The following MTUS1 variants were observed in gnomAD, a reference collection of about 807,000 sequenced individuals.
MTUS1 encodes the protein microtubule-associated tumor suppressor 1.
MTUS1 carries 109 observed loss-of-function variants against 120.8 expected under a neutral mutation model. That is an observed-to-expected ratio of 0.90 (90% confidence interval 0.77 to 1.06). The LOEUF is 1.06. Ranked by LOEUF, MTUS1 falls within the 50% of genes least tolerant of loss-of-function variation. The probability of loss-of-function intolerance (pLI) is 0.00; values close to 1 mark genes in which losing one functional copy is unlikely to be tolerated. For synonymous variants in MTUS1, 737 were observed against 550.5 expected, an observed-to-expected ratio of 1.34 and a Z score of -4.74; for missense variants, 2,210 against 1,486.3, an observed-to-expected ratio of 1.49 and a Z score of -8.01.
chr8:17,754,384 C>T lies in MTUS1; in HGVS notation c.1424G>A (p.Cys475Tyr), dbSNP rs777285945. 6.2e-7 allele frequency: 1 copy of T among 1,614,156 alleles called. No individual in the cohort carries two copies. The highest frequency in any genetic ancestry group is 8.5e-7 in the Non-Finnish European group (1 of 1,180,014). The part of the protein sequence containing the change: ...PDSKEAPVNL[C>Y]KPSLGKSTIK... ...TGTTGATTTTCCTAAACTGGGTTTA[C>T]ACAGGTTCACAGGTGCCTCCTTCGA... Residue 475 changes from cysteine (C) to tyrosine (Y), a missense_variant, in exon 2 of 15, where the codon TGT (cysteine) becomes TAT (tyrosine). Cys to Tyr is a radical substitution (Grantham distance 194). Transcript: ENST00000693296.
intron 7 of MTUS1, among the ~76,000 whole-genome samples, chr8:17,677,715 C>G (rs1299022634): frequency 2.6e-5 from 4 of 152,182 alleles, no homozygotes; most frequent in Non-Finnish European, 5.9e-5. Flanking sequence ...CAACCTCTGT[C>G]AGGCACAGTA....
chr8:17,665,902 G>A (rs75354632), intron 8 of MTUS1, among the ~76,000 whole-genome samples: 2 of 151,976 alleles, frequency 1.3e-5, no homozygotes, highest in South Asian at 2.1e-4. Context: ...ACTCACAGGT[G>A]GGAAGACAAT....
intron 8 of MTUS1, chr8:17,674,651 G>C: frequency 3.0e-6 from 3 of 986,846 alleles, no homozygotes; most frequent in Non-Finnish European, 3.6e-6. Context: ...TGAGACGTGG[G>C]GCTCCCTGTG....
At chr8:17,764,629 C>T (rs1438419539) in intron 1 of MTUS1, among the ~76,000 whole-genome samples, 4 of 152,222 alleles carry the variant, frequency 2.6e-5, no homozygotes, top group African/African-American at 9.6e-5. Context: ...ATATCTTAGG[C>T]TTTACAGGAT....
intron 6 of MTUS1, among the ~76,000 whole-genome samples, chr8:17,694,249 C>T (rs1051192782): frequency 2.6e-5 from 4 of 152,148 alleles, no homozygotes; most frequent in Admixed American, 2.6e-4. Context: ...TTCAATGCTT[C>T]AACATGATAA....
In MTUS1 at chr8:17,645,900, G is replaced by T. The variant is rs764895729; in HGVS notation, c.*26C>A. On this transcript the variant is annotated 3_prime_UTR_variant, in exon 15 of 15. Coordinates refer to ENST00000693296, the MANE Select transcript of MTUS1 (RefSeq NM_001363059.2). ...GCAGACCTGCATCAAAATGCTTTCA[G>T]AGAGTCTGTGGACTTTGGGGAGGTG... 1.2e-6 allele frequency: 2 copies of T among 1,600,074 alleles called. No homozygotes were observed.
intron 1 of MTUS1, among the ~76,000 whole-genome samples, chr8:17,786,242 G>T (rs10099724): frequency 0.73 from 110,769 of 151,902 alleles, 41,971 homozygotes; most frequent in Non-Finnish European, 0.85. Flanking sequence ...ACACGCACGA[G>T]CCTAGGACAG....
intron 3 of MTUS1, among the ~76,000 whole-genome samples, chr8:17,736,281 C>G (rs112640768): frequency 6.6e-6 from 1 of 152,214 alleles, no homozygotes; most frequent in South Asian, 2.1e-4. Context: ...ACATGTGCCT[C>G]GCAGGCACCT....
chr8:17,719,819 G>A (rs1202997460), intron 4 of MTUS1, among the ~76,000 whole-genome samples: 2 of 152,026 alleles, frequency 1.3e-5, no homozygotes, highest in Admixed American at 6.6e-5. Flanking sequence ...AAAACTAAGG[G>A]TAAATAAGAT....
In MTUS1 at chr8:17,744,564, G is replaced by C. The variant is rs186431666; in HGVS notation, c.2092-765C>G. Among the ~76,000 whole-genome samples, 15 of 151,936 alleles carry C rather than the reference G, an allele frequency of 9.9e-5. No individual in the cohort carries two copies. In the East Asian group the frequency reaches 2.9e-3, roughly 29 times the overall value. The stretch of plus-strand genomic sequence containing the variant: ...GCCTCCTGAGTAGCTGGGATTACGG[G>C]TGCACACCACCATCAATCTTTTTAC... On this transcript the variant is annotated intron_variant, in intron 2 of 14. Coordinates refer to ENST00000693296, the MANE Select transcript of MTUS1 (RefSeq NM_001363059.2).
chr8:17,667,138 G>T (rs1178899301), intron 8 of MTUS1, among the ~76,000 whole-genome samples: 2 of 152,222 alleles, frequency 1.3e-5, no homozygotes, highest in Non-Finnish European at 2.9e-5. Flanking sequence ...ATCTGCAGGT[G>T]AAAGAACATG....
chr8:17,704,977 G>A (rs535500010), intron 6 of MTUS1, among the ~76,000 whole-genome samples: 7 of 152,014 alleles, frequency 4.6e-5, no homozygotes, highest in African/African-American at 1.7e-4. Context: ...TGTTTCTAAT[G>A]ATTTTTATTC....
chr8:17,715,087 G>A lies in MTUS1; in HGVS notation c.2584+680C>T, dbSNP rs182581185. Among the ~76,000 whole-genome samples the A allele has an allele frequency of 6.2e-4, 94 of 151,610 alleles. 1 individual carries two copies. Among genetic ancestry groups the A allele is most frequent in the African/African-American group, 1.9e-3 (80 of 41,326 alleles). ...TGCCCAGCTAATTTTTGTATTTTTA[G>A]TAGAGATGGGGTTTTGCCATGTCGG... On this transcript the variant is annotated intron_variant, in intron 5 of 14. Transcript: ENST00000693296.
At chr8:17,742,523 G>A (rs2904738) in intron 3 of MTUS1, among the ~76,000 whole-genome samples, 24,489 of 151,636 alleles carry the variant, frequency 0.16, 2,062 homozygotes, top group Middle Eastern at 0.22. Context: ...TTTTCTCCCA[G>A]ATGATGAACA....
At chr8:17,646,446 C>T (rs561182766) in intron 14 of MTUS1, among the ~76,000 whole-genome samples, 5 of 151,990 alleles carry the variant, frequency 3.3e-5, no homozygotes, top group South Asian at 2.1e-4. Flanking sequence ...AAATTAGTCA[C>T]GCATGGTGAC....
In MTUS1 at chr8:17,716,009, G is replaced by A. The variant is rs115992278; in HGVS notation, c.2450-108C>T. The A allele has an allele frequency of 6.2e-4, 591 of 953,714 alleles. 3 individuals are homozygous for A. The highest frequency in any genetic ancestry group is 4.0e-3 in the Middle Eastern group (12 of 3,020). 59.1% of individuals were successfully genotyped at this position (953,714 alleles called of 1,614,324 possible). On this transcript the variant is annotated intron_variant, in intron 4 of 14. Coordinates refer to ENST00000693296, the MANE Select transcript of MTUS1 (RefSeq NM_001363059.2). ...CAACAAATGCTCAATAAGCACCTACGACATGCCAGTCATTACTGAACATTG... is the reference window on the plus strand; with the variant it reads ...CAACAAATGCTCAATAAGCACCTACAACATGCCAGTCATTACTGAACATTG...
In MTUS1 at chr8:17,654,681, C is replaced by G. The variant is rs767863780; in HGVS notation, c.3109-15G>C. On this transcript the variant is annotated splice_polypyrimidine_tract_variant and intron_variant, in intron 9 of 14. Coordinates refer to ENST00000693296, the MANE Select transcript of MTUS1 (RefSeq NM_001363059.2). ...AAGTTGTCAAACTGTAAGCAACAAA[C>G]AAAACCGTGGTTTAACAGTAAAACC... is the stretch of plus-strand genomic sequence containing the variant. 1.4e-5 allele frequency: 22 copies of G among 1,596,674 alleles called. No homozygotes were observed. The highest frequency in any genetic ancestry group is 1.9e-5 in the Non-Finnish European group (22 of 1,164,238).
chr8:17,734,329 T>G (rs752501373), intron 3 of MTUS1: 1 of 152,216 alleles, frequency 6.6e-6, no homozygotes, highest in African/African-American at 2.4e-5. Flanking sequence ...ATCAAGGCAA[T>G]AGGACTCTGT....
intron 1 of MTUS1, among the ~76,000 whole-genome samples, chr8:17,798,627 C>A (rs745375053): frequency 1.2e-4 from 18 of 152,134 alleles, no homozygotes; most frequent in Non-Finnish European, 2.1e-4. Flanking sequence ...CCACCGCACC[C>A]GGCTGGAAAA....
Sources: gnomAD v4.1 joint callset for allele counts (sites outside exome capture counted in the v4.1 genomes callset) on GRCh38, gnomAD v4.1.1 for gene constraint, MANE v1.5 for transcripts, NCBI Gene and HGNC (gene_info 2026-07-23, HGNC 2026-07-21) for gene names.